Variants in RIGI observed in about 807,000 individuals in gnomAD.
The protein encoded by RIGI is antiviral innate immune response receptor RIG-I.
chr9:32,490,004 T>C, the RIGI span, among the ~76,000 whole-genome samples: 17 of 152,310 alleles, frequency 1.1e-4, no homozygotes, highest in Non-Finnish European at 1.5e-4. Context: ...ACTTTGGAAA[T>C]TATCTACTGA....
chr9:32,467,660 A>G, the RIGI span: 2 of 1,226,824 alleles, frequency 1.6e-6, no homozygotes, highest in South Asian at 3.8e-5. Flanking sequence ...TTGGTCACAT[A>G]CTCAACCATG....
the RIGI span, among the ~76,000 whole-genome samples, chr9:32,496,627 C>A: frequency 6.6e-6 from 1 of 151,970 alleles, no homozygotes; most frequent in East Asian, 1.9e-4. Flanking sequence ...TCAGCCTCCA[C>A]AATCATGTGA....
chr9:32,456,883 A>G, the RIGI span: 1 of 458,096 alleles, frequency 2.2e-6, no homozygotes, highest in African/African-American at 1.9e-5. Flanking sequence ...AAAGAAGGCT[A>G]GAAATGAGGC....
chr9:32,473,116 A>G, the RIGI span: 3 of 1,321,470 alleles, frequency 2.3e-6, no homozygotes, highest in East Asian at 2.4e-5. Context: ...AATCATTTGT[A>G]TTAATTCAAT....
At chr9:32,478,075 C>CT in the RIGI span, among the ~76,000 whole-genome samples, 1 of 150,774 alleles carries the variant, frequency 6.6e-6, no homozygotes, top group Non-Finnish European at 1.5e-5. Flanking sequence ...GAGATGGAGT[C>CT]TCCTGGCACT....
the RIGI span, among the ~76,000 whole-genome samples, chr9:32,464,463 C>A: frequency 6.6e-6 from 1 of 152,124 alleles, no homozygotes; most frequent in Non-Finnish European, 1.5e-5. Flanking sequence ...GATCTCGGCT[C>A]ACTGCAAGCT....
chr9:32,493,617 C>T, the RIGI span: 361 of 548,706 alleles, frequency 6.6e-4, 2 homozygotes, highest in African/African-American at 6.6e-3. Flanking sequence ...AGCGAGACTC[C>T]GTCTCAAAAA....
the RIGI span, chr9:32,480,385 T>G: frequency 3.2e-6 from 5 of 1,558,776 alleles, no homozygotes; most frequent in Non-Finnish European, 4.4e-6. Flanking sequence ...CTCAATATGC[T>G]TCCAATGTCT....
At chr9:32,456,667 G>C in the RIGI span, 5 of 157,402 alleles carry the variant, frequency 3.2e-5, no homozygotes, top group South Asian at 9.3e-4. Flanking sequence ...AGGTCAAATA[G>C]AAGGTTAAGA....
At chr9:32,463,400 A>G in the RIGI span, among the ~76,000 whole-genome samples, 1 of 152,228 alleles carries the variant, frequency 6.6e-6, no homozygotes, top group African/African-American at 2.4e-5. Context: ...TTTTTCAGAT[A>G]TGGTTCTAAT....
chr9:32,459,482 G>T, the RIGI span: 3 of 1,612,012 alleles, frequency 1.9e-6, no homozygotes, highest in African/African-American at 1.3e-5. Flanking sequence ...GACTATCTCT[G>T]ATGAATTTTT....
the RIGI span, among the ~76,000 whole-genome samples, chr9:32,504,945 A>ATATATAAAAATAAATATATAAATAT: frequency 1.9e-5 from 2 of 108,078 alleles, 1 homozygote. Context: ...TATATATTTA[A>ATATATAAAAATAAATATATAAATAT]ACATATATAT....
the RIGI span, among the ~76,000 whole-genome samples, chr9:32,504,703 T>TA: frequency 5.2e-5 from 7 of 135,652 alleles, no homozygotes; most frequent in Middle Eastern, 3.5e-3. Flanking sequence ...ATATATATAT[T>TA]ATACATTTAA....
the RIGI span, among the ~76,000 whole-genome samples, chr9:32,483,358 G>A: frequency 6.6e-6 from 1 of 152,156 alleles, no homozygotes; most frequent in Non-Finnish European, 1.5e-5. Context: ...TGAGCCAACA[G>A]GTACTGATTG....
chr9:32,475,551 G>A, the RIGI span, among the ~76,000 whole-genome samples: 733 of 151,962 alleles, frequency 4.8e-3, 5 homozygotes, highest in African/African-American at 0.017. Flanking sequence ...GCAATTCAGT[G>A]AAGAAAGGAT....
At chr9:32,485,423 T>C in the RIGI span, 1,084 of 654,068 alleles carry the variant, frequency 1.7e-3, 8 homozygotes, top group African/African-American at 0.017. Flanking sequence ...CCAGGCTAAC[T>C]GGCAGGTGGT....
the RIGI span, chr9:32,493,788 A>C: frequency 6.3e-6 from 10 of 1,588,538 alleles, no homozygotes; most frequent in Non-Finnish European, 8.5e-6. Context: ...ATTCCTGATT[A>C]ATTAAACATT....
At chr9:32,477,252 GTAAGTACTGTTT>G in the RIGI span, 1 of 1,140,144 alleles carries the variant, frequency 8.8e-7, no homozygotes. Flanking sequence ...TTTATGAGTA[GTAAGTACTGTTT>G]TAAATTGGTA....
the RIGI span, among the ~76,000 whole-genome samples, chr9:32,464,451 G>A: frequency 7.2e-5 from 11 of 151,956 alleles, no homozygotes; most frequent in Admixed American, 4.6e-4. Context: ...GTGCAGTGGC[G>A]CGATCTCGGC....
Sources: allele counts gnomAD v4.1 joint callset (sites outside exome capture counted in the v4.1 genomes callset), GRCh38; gene constraint gnomAD v4.1.1; transcripts MANE v1.5; gene names NCBI Gene and HGNC (gene_info 2026-07-23, HGNC 2026-07-21).